LRBA: variants seen among roughly 807,000 people sequenced by gnomAD.
LRBA encodes lipopolysaccharide-responsive and beige-like anchor protein.
Under a neutral mutation model 330.0 loss-of-function variants are expected in LRBA, and 176 were observed. That is an observed-to-expected ratio of 0.53 (90% CI 0.47 to 0.60). LRBA has a LOEUF of 0.60. LRBA is among the 20% of genes least tolerant of loss of function. LRBA has a pLI of 0.00. For missense variants in LRBA, 3,259 were observed against 3,444.8 expected, an observed-to-expected ratio of 0.95 and a Z score of 1.35; for synonymous variants, 1,230 against 1,193.0, an observed-to-expected ratio of 1.03 and a Z score of -0.64.
chr4:150,887,768 C>CAAAAAAAAAA (rs33950813), intron 17 of LRBA, among the ~76,000 whole-genome samples: 1 of 82,232 alleles, frequency 1.2e-5, no homozygotes, highest in Admixed American at 1.4e-4. Context: ...GACTCCGTCT[C>CAAAAAAAAAA]AAAAAAAAAA....
At chr4:150,271,164 G>T (rs1398261894) in intron 56 of LRBA, among the ~76,000 whole-genome samples, 1 of 152,174 alleles carries the variant, frequency 6.6e-6, no homozygotes, top group Non-Finnish European at 1.5e-5. Context: ...ATGAGGAATG[G>T]TGCACTCTGG....
intron 53 of LRBA, 152 bp downstream of exon 53, chr4:150,302,473 A>G (rs1476751401): frequency 7.1e-6 from 3 of 420,242 alleles, no homozygotes; most frequent in African/African-American, 2.0e-5. Flanking sequence ...AAAATTGATA[A>G]TGAGGCTATT....
chr4:150,637,863 G>A (rs754423684), intron 37 of LRBA, among the ~76,000 whole-genome samples: 27 of 152,110 alleles, frequency 1.8e-4, no homozygotes, highest in Non-Finnish European at 3.5e-4. Flanking sequence ...AGTGCATGAC[G>A]TGTTAAGCTG....
chr4:150,555,788 A>C (rs112655366), intron 40 of LRBA, among the ~76,000 whole-genome samples: 3,087 of 101,102 alleles, frequency 0.031, 37 homozygotes, highest in Middle Eastern at 0.066. Flanking sequence ...CACACACACA[A>C]ACAAATAGAA....
intron 53 of LRBA, among the ~76,000 whole-genome samples, chr4:150,288,890 G>C (rs1748515849): frequency 6.6e-6 from 1 of 151,468 alleles, no homozygotes; most frequent in Admixed American, 6.6e-5. Context: ...GAAAGTGAAG[G>C]TTTGAAGGAA....
At chr4:150,456,850 G>C (rs1754141932) in intron 44 of LRBA, among the ~76,000 whole-genome samples, 1 of 151,984 alleles carries the variant, frequency 6.6e-6, no homozygotes, top group Admixed American at 6.6e-5. Flanking sequence ...TTTTGTATAT[G>C]GTTAGAGATA....
At chr4:150,620,954 G>GAA (rs916119215) in intron 37 of LRBA, among the ~76,000 whole-genome samples, 19 of 150,188 alleles carry the variant, frequency 1.3e-4, no homozygotes, top group Admixed American at 1.1e-3. Flanking sequence ...TTGTTGAAAT[G>GAA]AAAAAAAAAC....
intron 30 of LRBA, among the ~76,000 whole-genome samples, chr4:150,819,561 G>C (rs937731385): frequency 6.6e-6 from 1 of 152,096 alleles, no homozygotes; most frequent in Non-Finnish European, 1.5e-5. Flanking sequence ...GAAGCAAACA[G>C]AGCTAAAAGC....
chr4:150,271,571 C>A (rs1457617136), intron 56 of LRBA, among the ~76,000 whole-genome samples: 1 of 129,006 alleles, frequency 7.8e-6, no homozygotes. Context: ...CTCGGTGGGT[C>A]CCACTCCCAT....
At chr4:150,300,839 A>T (rs1729580833) in intron 53 of LRBA, among the ~76,000 whole-genome samples, 2 of 152,132 alleles carry the variant, frequency 1.3e-5, no homozygotes, top group South Asian at 4.1e-4. Context: ...AATAGTAATT[A>T]CATACAAGTG....
chr4:150,359,252 T>C (rs912021689), intron 47 of LRBA, among the ~76,000 whole-genome samples: 2 of 152,266 alleles, frequency 1.3e-5, no homozygotes, highest in African/African-American at 4.8e-5. Context: ...TCAGTAAATA[T>C]TTATTGAGTG....
intron 44 of LRBA, among the ~76,000 whole-genome samples, chr4:150,453,907 C>T (rs759539079): frequency 6.6e-6 from 1 of 152,096 alleles, no homozygotes; most frequent in African/African-American, 2.4e-5. Context: ...TCATAATAGT[C>T]CTTCATATTT....
chr4:150,925,420 C>T (rs1453299957), intron 4 of LRBA, among the ~76,000 whole-genome samples: 20 of 152,110 alleles, frequency 1.3e-4, no homozygotes, highest in Non-Finnish European at 2.9e-5. Flanking sequence ...TCTTGGAATA[C>T]GCACTCAGAA....
chr4:150,910,382 G>A (rs1336330939), intron 9 of LRBA, among the ~76,000 whole-genome samples: 1 of 151,522 alleles, frequency 6.6e-6, no homozygotes, highest in African/African-American at 2.4e-5. Flanking sequence ...CTTATTTTTC[G>A]CATCTGGATA....
intron 48 of LRBA, among the ~76,000 whole-genome samples, chr4:150,340,279 A>G (rs534035081): frequency 1.3e-5 from 2 of 152,306 alleles, no homozygotes; most frequent in East Asian, 1.9e-4. Flanking sequence ...CACTTGGTCA[A>G]TTATTACTTT....
chr4:150,806,496 A>AT, intron 32 of LRBA, 92 bp from the exon 33 acceptor site: 2 of 698,628 alleles, frequency 2.9e-6, no homozygotes, highest in Non-Finnish European at 4.0e-6. Flanking sequence ...ATATATATAT[A>AT]TAATTATTTA....
At chr4:151,001,662 A>T (rs1016272063) in intron 2 of LRBA, among the ~76,000 whole-genome samples, 12 of 152,072 alleles carry the variant, frequency 7.9e-5, no homozygotes, top group Admixed American at 3.9e-4. Context: ...ACCACTCAGG[A>T]TCCAGTGGGT....
chr4:150,978,769 AGAATT>A (rs1740503885), intron 2 of LRBA, among the ~76,000 whole-genome samples: 1 of 152,232 alleles, frequency 6.6e-6, no homozygotes, highest in African/African-American at 2.4e-5. Context: ...GTCTCTTAAC[AGAATT>A]GATCAAACAG....
At chr4:150,610,461 T>C (rs1775136617) in intron 37 of LRBA, among the ~76,000 whole-genome samples, 1 of 152,130 alleles carries the variant, frequency 6.6e-6, no homozygotes, top group Non-Finnish European at 1.5e-5. Flanking sequence ...TGGTGGTGTG[T>C]GCCTGTAATC....
Sources: gnomAD v4.1 joint callset for allele counts (sites outside exome capture counted in the v4.1 genomes callset) on GRCh38, gnomAD v4.1.1 for gene constraint, MANE v1.5 for transcripts, NCBI Gene and HGNC (gene_info 2026-07-23, HGNC 2026-07-21) for gene names.